NOS1AP: variants seen among roughly 807,000 people sequenced by gnomAD.
NOS1AP encodes the protein nitric oxide synthase 1 adaptor protein.
A neutral mutation model predicts 56.2 loss-of-function variants in NOS1AP; 21 were observed. The observed-to-expected ratio is 0.37, with a 90% CI of 0.26 to 0.54. NOS1AP has a LOEUF of 0.54. Ranked by LOEUF, NOS1AP falls within the 20% of genes least tolerant of loss-of-function variation. The probability of loss-of-function intolerance (pLI) is 0.84; values close to 1 mark genes in which losing one functional copy is unlikely to be tolerated. For synonymous variants in NOS1AP, 270 were observed against 274.6 expected, an observed-to-expected ratio of 0.98 and a Z score of 0.17; for missense variants, 522 against 657.8, an observed-to-expected ratio of 0.79 and a Z score of 2.26.
At chr1:162,287,272 G>C in intron 2 of NOS1AP, 72 bp from the exon 3 acceptor site, 1 of 1,112,918 alleles carries the variant, frequency 9.0e-7, no homozygotes, top group Non-Finnish European at 1.4e-6. Flanking sequence ...CCAGGCATGG[G>C]CTAGCTGGGT....
At chr1:162,302,692 A>G (rs1035681072) in intron 4 of NOS1AP, among the ~76,000 whole-genome samples, 3 of 152,202 alleles carry the variant, frequency 2.0e-5, no homozygotes, top group Non-Finnish European at 4.4e-5. Flanking sequence ...CAAAAATCAA[A>G]CATATTTAAA....
chr1:162,264,451 T>C (rs75399089), intron 2 of NOS1AP, among the ~76,000 whole-genome samples: 560 of 18,162 alleles, frequency 0.031, 28 homozygotes, highest in African/African-American at 0.12. Flanking sequence ...TTCTCTTCTC[T>C]TCTCTTCTCT....
intron 2 of NOS1AP, among the ~76,000 whole-genome samples, chr1:162,203,875 G>A (rs949458494): frequency 2.0e-5 from 3 of 152,162 alleles, no homozygotes; most frequent in Non-Finnish European, 2.9e-5. Context: ...AGTTTGATAG[G>A]ATATTAAAGA....
At chr1:162,197,553 C>A (rs1027994770) in intron 2 of NOS1AP, among the ~76,000 whole-genome samples, 1 of 152,146 alleles carries the variant, frequency 6.6e-6, no homozygotes, top group African/African-American at 2.4e-5. Flanking sequence ...CTCTAAGAAG[C>A]AAGTGAAGTG....
chr1:162,217,142 T>C (rs1290013252), intron 2 of NOS1AP, among the ~76,000 whole-genome samples: 1 of 152,028 alleles, frequency 6.6e-6, no homozygotes, highest in Non-Finnish European at 1.5e-5. Flanking sequence ...CTCTTTCACA[T>C]GGGGAAGCTT....
At chr1:162,363,824 T>C (rs558872092) in intron 8 of NOS1AP, 4 of 985,440 alleles carry the variant, frequency 4.1e-6, no homozygotes, top group Admixed American at 6.1e-5. Context: ...GACAAAAAAA[T>C]GAGTCTGACT....
intron 2 of NOS1AP, among the ~76,000 whole-genome samples, chr1:162,239,601 C>G (rs772822556): frequency 6.6e-6 from 1 of 152,124 alleles, no homozygotes; most frequent in Non-Finnish European, 1.5e-5. Context: ...TGCTGTATGC[C>G]AAGTGCTGGG....
intron 1 of NOS1AP, among the ~76,000 whole-genome samples, chr1:162,088,915 G>A (rs576497483): frequency 6.6e-5 from 10 of 152,154 alleles, no homozygotes; most frequent in African/African-American, 2.4e-4. Flanking sequence ...ATACAATCTG[G>A]AGACCGATAC....
At chr1:162,216,572 C>T (rs1215674513) in intron 2 of NOS1AP, among the ~76,000 whole-genome samples, 1 of 152,212 alleles carries the variant, frequency 6.6e-6, no homozygotes, top group African/African-American at 2.4e-5. Flanking sequence ...AACCTCTATG[C>T]TTTGGTTTAT....
At chr1:162,088,231 G>T (rs1692046682) in intron 1 of NOS1AP, among the ~76,000 whole-genome samples, 1 of 152,058 alleles carries the variant, frequency 6.6e-6, no homozygotes, top group South Asian at 2.1e-4. Flanking sequence ...ACTGTTTGAG[G>T]GCTAACACTT....
At chr1:162,285,529 G>GCT in intron 2 of NOS1AP, among the ~76,000 whole-genome samples, 1 of 152,308 alleles carries the variant, frequency 6.6e-6, no homozygotes, top group Non-Finnish European at 1.5e-5. Flanking sequence ...AACCTTCGCT[G>GCT]GTTTGTGGCT....
intron 1 of NOS1AP, among the ~76,000 whole-genome samples, chr1:162,148,334 G>A (rs1447236896): frequency 6.6e-6 from 1 of 152,188 alleles, no homozygotes. Flanking sequence ...GTCAGCTAGT[G>A]ATGACTAAAG....
chr1:162,311,188 T>A (rs2819321), intron 4 of NOS1AP, among the ~76,000 whole-genome samples: 150,521 of 152,238 alleles, frequency 0.99, 74,430 homozygotes, highest in Middle Eastern at 1. Context: ...ACATTTACCC[T>A]TGCATTCCCC....
intron 7 of NOS1AP, 80 bp downstream of exon 7, chr1:162,355,433 T>G (rs957914957): frequency 4.4e-6 from 7 of 1,574,826 alleles, no homozygotes; most frequent in African/African-American, 1.3e-5. Flanking sequence ...CCCTGCCAGC[T>G]CAGCTTCCGA....
chr1:162,313,708 T>C (rs1656126514), intron 4 of NOS1AP, among the ~76,000 whole-genome samples: 3 of 152,264 alleles, frequency 2.0e-5, no homozygotes, highest in East Asian at 1.9e-4. Flanking sequence ...TAGAAATGCA[T>C]AGAAAGCAGT....
intron 2 of NOS1AP, among the ~76,000 whole-genome samples, chr1:162,234,880 G>A (rs1202114472): frequency 1.3e-5 from 2 of 152,214 alleles, no homozygotes; most frequent in Admixed American, 6.5e-5. Context: ...GTTGCTTCTG[G>A]AGTTCTGCAA....
intron 3 of NOS1AP, among the ~76,000 whole-genome samples, chr1:162,293,701 A>G (rs139701575): frequency 1.6e-4 from 25 of 152,364 alleles, no homozygotes; most frequent in African/African-American, 5.8e-4. Context: ...TGTGGAAAGC[A>G]AAGAACTTCC....
At chr1:162,101,105 A>AT (rs1395873530) in intron 1 of NOS1AP, among the ~76,000 whole-genome samples, 1 of 152,040 alleles carries the variant, frequency 6.6e-6, no homozygotes, top group Non-Finnish European at 1.5e-5. Flanking sequence ...TCTTCAGTTA[A>AT]TTTTTTTATA....
intron 1 of NOS1AP, among the ~76,000 whole-genome samples, chr1:162,074,733 C>T (rs914625339): frequency 2.6e-5 from 4 of 152,250 alleles, no homozygotes; most frequent in Admixed American, 6.5e-5. Flanking sequence ...TTGCTTATGG[C>T]GTTGACTGGA....
Sources: gnomAD v4.1 joint callset for allele counts (sites outside exome capture counted in the v4.1 genomes callset) on GRCh38, gnomAD v4.1.1 for gene constraint, MANE v1.5 for transcripts, NCBI Gene and HGNC (gene_info 2026-07-23, HGNC 2026-07-21) for gene names.